The following BAIAP2L1 variants were observed in gnomAD, a reference collection of about 807,000 sequenced individuals.
The protein encoded by BAIAP2L1 is BAR/IMD domain-containing adapter protein 2-like 1.
BAIAP2L1 carries 35 observed loss-of-function variants against 66.3 expected under a neutral mutation model. The observed-to-expected ratio is 0.53, with a 90% CI of 0.40 to 0.70. The LOEUF (loss-of-function observed/expected upper bound fraction) is 0.70, where lower values mean the gene tolerates loss of function less well. Ranked by LOEUF, BAIAP2L1 falls within the 30% of genes least tolerant of loss-of-function variation. The pLI, the probability that BAIAP2L1 is intolerant of heterozygous loss-of-function variation, is 0.00. For synonymous variants in BAIAP2L1, 269 were observed against 248.7 expected (o/e 1.08, Z -0.77); for missense variants, 622 against 656.9 (o/e 0.95, Z 0.58).
chr7:98,331,797 G>C (rs1262536233), intron 3 of BAIAP2L1, among the ~76,000 whole-genome samples: 3 of 152,038 alleles, frequency 2.0e-5, no homozygotes, highest in African/African-American at 7.2e-5. Flanking sequence ...CAGAGGAAAA[G>C]AACACCTTGC....
At chr7:98,327,355 T>TGTAA (rs1044431416) in intron 3 of BAIAP2L1, among the ~76,000 whole-genome samples, 1 of 104,578 alleles carries the variant, frequency 9.6e-6, no homozygotes, top group Non-Finnish European at 2.1e-5. Context: ...AGCAAGACCT[T>TGTAA]GTAAATAAAT....
chr7:98,311,472 C>T (rs1359418576), intron 8 of BAIAP2L1, among the ~76,000 whole-genome samples: 1 of 151,026 alleles, frequency 6.6e-6, no homozygotes. Flanking sequence ...ACCCAGGAGA[C>T]GGAGCCTACA....
chr7:98,371,511 T>C (rs912354225), intron 1 of BAIAP2L1, among the ~76,000 whole-genome samples: 2 of 152,196 alleles, frequency 1.3e-5, no homozygotes, highest in Admixed American at 1.3e-4. Context: ...TTCACCAGAT[T>C]TCTAGCTGCC....
Position 98,292,810 on chromosome 7 carries a change from C to A in BAIAP2L1, c.*711G>T. The A allele has an allele frequency of 2.0e-6, 3 of 1,514,878 alleles. No homozygotes were observed. Among genetic ancestry groups the A allele is most frequent in the Non-Finnish European group, 2.7e-6 (3 of 1,128,328 alleles). 93.8% of individuals were successfully genotyped at this position (1,514,878 alleles called of 1,614,324 possible). On this transcript the variant is annotated 3_prime_UTR_variant, in exon 14 of 14. Transcript: ENST00000005260. The stretch of plus-strand genomic sequence containing the variant: ...GTGACTCCGACGCCCAGGCCTGTGT[C>A]CTGGATGGGCCGTGTGCAGCGAATC...
intron 2 of BAIAP2L1, among the ~76,000 whole-genome samples, chr7:98,360,351 G>T (rs1802241982): frequency 1.3e-5 from 2 of 152,110 alleles, no homozygotes; most frequent in South Asian, 4.1e-4. Context: ...CCTGCCTTGT[G>T]TTCTAACGTA....
intron 3 of BAIAP2L1, among the ~76,000 whole-genome samples, chr7:98,354,375 A>G (rs1802072453): frequency 6.6e-6 from 1 of 152,100 alleles, no homozygotes; most frequent in African/African-American, 2.4e-5. Context: ...CTTTACCATG[A>G]TTTTCCTCCG....
chr7:98,384,103 G>A (rs560611861), intron 1 of BAIAP2L1, among the ~76,000 whole-genome samples: 1 of 150,314 alleles, frequency 6.7e-6, no homozygotes, highest in African/African-American at 2.4e-5. Context: ...GCAGTGAGCC[G>A]AGATCGCACC....
chr7:98,342,393 C>T (rs1477804282), intron 3 of BAIAP2L1, among the ~76,000 whole-genome samples: 2 of 152,110 alleles, frequency 1.3e-5, no homozygotes, highest in African/African-American at 4.8e-5. Flanking sequence ...AGACCAAAGA[C>T]TGTCAGATTG....
Position 98,400,787 on chromosome 7 carries a change from G to A in BAIAP2L1, c.51+15C>T, listed in dbSNP as rs1226894359. The A allele has an allele frequency of 1.3e-6, 2 of 1,549,036 alleles. No individual in the cohort carries two copies. The highest frequency in any genetic ancestry group is 2.5e-5 in the East Asian group (1 of 40,718). ...GAAAGCCCTGACCTCCCTGAGCCCC[G>A]GGCCCTGGGCTTACCCGGTAGGTGC... On this transcript the variant is annotated intron_variant, in intron 1 of 13. Coordinates refer to ENST00000005260, the MANE Select transcript of BAIAP2L1 (RefSeq NM_018842.5).
At chr7:98,361,738 CTTTTT>C (rs1388923492) in intron 2 of BAIAP2L1, among the ~76,000 whole-genome samples, 1 of 152,026 alleles carries the variant, frequency 6.6e-6, no homozygotes, top group Non-Finnish European at 1.5e-5. Flanking sequence ...AAAATTTCTT[CTTTTT>C]TTTCTTTTTT....
intron 3 of BAIAP2L1, among the ~76,000 whole-genome samples, chr7:98,344,858 C>T (rs537694511): frequency 1.3e-5 from 2 of 152,280 alleles, no homozygotes; most frequent in South Asian, 4.1e-4. Flanking sequence ...ATCACTTGAA[C>T]TCGGGAGGCG....
intron 1 of BAIAP2L1, among the ~76,000 whole-genome samples, chr7:98,376,809 G>T (rs934019162): frequency 1.3e-5 from 2 of 152,050 alleles, no homozygotes; most frequent in African/African-American, 2.4e-5. Context: ...TCCAGCCTAG[G>T]CAACAAGAAC....
At chr7:98,375,531 C>A (rs12704988) in intron 1 of BAIAP2L1, among the ~76,000 whole-genome samples, 60,022 of 151,732 alleles carry the variant, frequency 0.4, 12,923 homozygotes, top group Middle Eastern at 0.53. Context: ...TGGCAGATCA[C>A]CTGAGGTAAG....
At position 98,385,560 on chromosome 7, in the gene BAIAP2L1, C is replaced by T. The variant is rs373653749; in HGVS notation, c.51+15242G>A. ...CAGAGTAGCTGGGATTACAGCCACA[C>T]GCCCCCATGCCCAGTTAATTTTTTT... On this transcript the variant is annotated intron_variant, in intron 1 of 13. Coordinates refer to ENST00000005260, the MANE Select transcript of BAIAP2L1 (RefSeq NM_018842.5). Among the ~76,000 whole-genome samples, 10 of 151,754 alleles carry T rather than the reference C, an allele frequency of 6.6e-5. No homozygotes were observed. The South Asian group carries it at 1.0e-3, about 16-fold the overall frequency.
chr7:98,353,771 C>T (rs1293947236), intron 3 of BAIAP2L1, among the ~76,000 whole-genome samples: 1 of 148,500 alleles, frequency 6.7e-6, no homozygotes. Flanking sequence ...ATCAGCCTGG[C>T]CAACATGGCG....
At chr7:98,350,982 A>G (rs7805267) in intron 3 of BAIAP2L1, among the ~76,000 whole-genome samples, 58,424 of 151,738 alleles carry the variant, frequency 0.39, 12,612 homozygotes, top group Middle Eastern at 0.55. Flanking sequence ...TCAGCCTCTC[A>G]AGTAGCTGGA....
intron 3 of BAIAP2L1, among the ~76,000 whole-genome samples, chr7:98,325,667 G>A (rs974893930): frequency 6.6e-6 from 1 of 151,846 alleles, no homozygotes; most frequent in African/African-American, 2.4e-5. Context: ...GACAGAGCAA[G>A]ACTTTGTCTC....
chr7:98,375,975 C>G lies in BAIAP2L1; in HGVS notation c.52-13543G>C, dbSNP rs150656349. ...TTTCACACACACGTATATATTTAGTCAAGATTAACATAAAATTTTGCTTTG... is the reference window on the plus strand; with the variant it reads ...TTTCACACACACGTATATATTTAGTGAAGATTAACATAAAATTTTGCTTTG... On this transcript the variant is annotated intron_variant, in intron 1 of 13. Coordinates refer to ENST00000005260, the MANE Select transcript of BAIAP2L1 (RefSeq NM_018842.5). Among the ~76,000 whole-genome samples the G allele has an allele frequency of 7.0e-3, 1,069 of 152,142 alleles. 9 individuals carry two copies. The highest frequency in any genetic ancestry group is 0.024 in the African/African-American group (1,005 of 41,490).
intron 3 of BAIAP2L1, among the ~76,000 whole-genome samples, chr7:98,331,585 C>T (rs1014438287): frequency 1.3e-5 from 2 of 151,234 alleles, no homozygotes; most frequent in Admixed American, 1.3e-4. Context: ...TCTCCTGCCT[C>T]AGCCTCCCGA....
Sources: allele counts gnomAD v4.1 joint callset (sites outside exome capture counted in the v4.1 genomes callset), GRCh38; gene constraint gnomAD v4.1.1; transcripts MANE v1.5; gene names NCBI Gene and HGNC (gene_info 2026-07-23, HGNC 2026-07-21).